CNBD1: variants seen among roughly 807,000 people sequenced by gnomAD.
CNBD1 encodes the protein cyclic nucleotide binding domain containing 1.
Under a neutral mutation model 54.4 loss-of-function variants are expected in CNBD1, and 71 were observed. The observed-to-expected ratio is 1.30, with a 90% confidence interval of 1.08 to 1.59. The LOEUF is 1.59. Ranked by LOEUF, CNBD1 falls within the 40% of genes most tolerant of loss-of-function variation. The pLI is 0.00. For missense variants in CNBD1, 659 were observed against 518.0 expected (o/e 1.27, Z -2.64); for synonymous variants, 182 against 170.7 (o/e 1.07, Z -0.51).
intron 6 of CNBD1, among the ~76,000 whole-genome samples, chr8:87,265,503 T>C (rs1424378035): frequency 2.0e-5 from 3 of 152,152 alleles, no homozygotes; most frequent in Non-Finnish European, 2.9e-5. Context: ...TGCTTAAATG[T>C]TAAAAAGTAT....
At chr8:87,020,368 A>C (rs1809460417) in intron 4 of CNBD1, among the ~76,000 whole-genome samples, 1 of 152,256 alleles carries the variant, frequency 6.6e-6, no homozygotes, top group South Asian at 2.1e-4. Flanking sequence ...GGGAATAAGC[A>C]TTCCTAGTGC....
intron 4 of CNBD1, among the ~76,000 whole-genome samples, chr8:87,205,513 T>C (rs1457935606): frequency 6.6e-6 from 1 of 152,218 alleles, no homozygotes; most frequent in Non-Finnish European, 1.5e-5. Context: ...AGTACATACG[T>C]ATCTTTTCAC....
At chr8:87,297,111 G>A (rs1176872460) in intron 8 of CNBD1, among the ~76,000 whole-genome samples, 1 of 146,490 alleles carries the variant, frequency 6.8e-6, no homozygotes, top group East Asian at 2.0e-4. Context: ...CAGAGAGGTG[G>A]AGCTTGCAGT....
At chr8:87,362,233 T>C (rs1254604274) in intron 10 of CNBD1, among the ~76,000 whole-genome samples, 1 of 152,122 alleles carries the variant, frequency 6.6e-6, no homozygotes, top group Non-Finnish European at 1.5e-5. Context: ...TTGGTGAAGA[T>C]GATATTAGAA....
At chr8:86,910,152 TA>T (rs1203997464) in intron 3 of CNBD1, among the ~76,000 whole-genome samples, 1 of 152,152 alleles carries the variant, frequency 6.6e-6, no homozygotes, top group Non-Finnish European at 1.5e-5. Flanking sequence ...CAAAGGAACA[TA>T]AGTTCCTCTG....
chr8:87,128,296 C>A (rs1055040097), intron 4 of CNBD1, among the ~76,000 whole-genome samples: 2 of 152,176 alleles, frequency 1.3e-5, no homozygotes, highest in Non-Finnish European at 2.9e-5. Flanking sequence ...TAAGACAGGC[C>A]CACTTGGGCT....
At chr8:87,383,452 A>T (rs946758342), downstream of CNBD1, among the ~76,000 whole-genome samples, 2 of 152,182 alleles carry the variant, frequency 1.3e-5, no homozygotes, top group Admixed American at 1.3e-4. Flanking sequence ...ATAAAGAACT[A>T]AGGCTTTATG....
intron 4 of CNBD1, among the ~76,000 whole-genome samples, chr8:87,186,364 T>C (rs1460197660): frequency 6.6e-6 from 1 of 152,162 alleles, no homozygotes; most frequent in Non-Finnish European, 1.5e-5. Context: ...CAAAGATTTC[T>C]TCTCTCTTTA....
chr8:87,094,422 C>A (rs1811277461), intron 4 of CNBD1, among the ~76,000 whole-genome samples: 1 of 149,714 alleles, frequency 6.7e-6, no homozygotes, highest in South Asian at 2.1e-4. Flanking sequence ...CTCTTACTTT[C>A]CTTGATTTTT....
chr8:87,421,207 A>G (rs913671887), intron 2 of CNBD1, among the ~76,000 whole-genome samples: 1 of 151,780 alleles, frequency 6.6e-6, no homozygotes, highest in South Asian at 2.1e-4. Flanking sequence ...TAATTCACTT[A>G]GTATCTCATT....
intron 2 of CNBD1, among the ~76,000 whole-genome samples, chr8:86,903,627 G>T (rs1029716491): frequency 6.6e-6 from 1 of 151,974 alleles, no homozygotes; most frequent in African/African-American, 2.4e-5. Flanking sequence ...CATTTGTACC[G>T]TATATCCTCC....
intron 2 of CNBD1, among the ~76,000 whole-genome samples, chr8:87,399,731 C>T (rs1317938886): frequency 6.6e-6 from 1 of 151,886 alleles, no homozygotes; most frequent in Non-Finnish European, 1.5e-5. Context: ...AGCAGTGGGG[C>T]ATTATGGGAT....
intron 8 of CNBD1, among the ~76,000 whole-genome samples, chr8:87,324,183 T>G (rs796507906): frequency 0.12 from 11,178 of 90,478 alleles, 788 homozygotes; most frequent in Middle Eastern, 0.21. Flanking sequence ...AGCTTTTTGA[T>G]GTGCTGCTGG....
intron 8 of CNBD1, among the ~76,000 whole-genome samples, chr8:87,343,103 T>C (rs1035563281): frequency 6.6e-6 from 1 of 152,196 alleles, no homozygotes; most frequent in Admixed American, 6.5e-5. Context: ...TCAGCGATAT[T>C]TCTCCTACTT....
At chr8:87,276,229 T>A (rs149132529) in intron 6 of CNBD1, among the ~76,000 whole-genome samples, 1 of 151,914 alleles carries the variant, frequency 6.6e-6, no homozygotes, top group African/African-American at 2.4e-5. Flanking sequence ...GAAATTATTT[T>A]TCCTTGGATG....
intron 6 of CNBD1, among the ~76,000 whole-genome samples, chr8:87,276,482 A>G (rs1808482762): frequency 6.6e-6 from 1 of 151,780 alleles, no homozygotes; most frequent in African/African-American, 2.4e-5. Context: ...TCACTTCATA[A>G]TGCGTTGATA....
intron 4 of CNBD1, among the ~76,000 whole-genome samples, chr8:86,983,963 A>G (rs1487361382): frequency 1.3e-5 from 2 of 152,172 alleles, no homozygotes; most frequent in Non-Finnish European, 2.9e-5. Context: ...CACCAAAACA[A>G]TGGAGAGAAT....
At chr8:87,239,181 A>G (rs1807639878) in intron 6 of CNBD1, among the ~76,000 whole-genome samples, 1 of 152,194 alleles carries the variant, frequency 6.6e-6, no homozygotes, top group Admixed American at 6.5e-5. Context: ...CAAGGCAGAC[A>G]ATTTTAACTT....
At chr8:87,303,775 C>T (rs879783258) in intron 8 of CNBD1, among the ~76,000 whole-genome samples, 1 of 126,200 alleles carries the variant, frequency 7.9e-6, no homozygotes, top group Admixed American at 7.6e-5. Context: ...ACAATGAACT[C>T]AAACAAATTT....
Sources: gnomAD v4.1 joint callset for allele counts (sites outside exome capture counted in the v4.1 genomes callset) on GRCh38, gnomAD v4.1.1 for gene constraint, MANE v1.5 for transcripts, NCBI Gene and HGNC (gene_info 2026-07-23, HGNC 2026-07-21) for gene names.